Variants in KIAA0825 observed in about 807,000 individuals in gnomAD.
KIAA0825 encodes the protein KIAA0825, also known as uncharacterized protein KIAA0825.
A neutral mutation model predicts 147.6 loss-of-function variants in KIAA0825; 119 were observed. The ratio of observed to expected loss-of-function variants is 0.81; its 90% confidence interval spans 0.69 to 0.94. The LOEUF is 0.94. Among genes scored for constraint, KIAA0825 ranks in the 40% least tolerant of loss-of-function variants. The probability of loss-of-function intolerance (pLI) is 0.00; values close to 1 mark genes in which losing one functional copy is unlikely to be tolerated. For synonymous variants in KIAA0825, 470 were observed against 518.1 expected, an observed-to-expected ratio of 0.91 and a Z score of 1.26; for missense variants, 1,381 against 1,472.7, an observed-to-expected ratio of 0.94 and a Z score of 1.02.
intron 1 of KIAA0825, among the ~76,000 whole-genome samples, chr5:94,589,185 A>C (rs1036918515): frequency 2.6e-5 from 4 of 152,242 alleles, no homozygotes; most frequent in Non-Finnish European, 4.4e-5. Flanking sequence ...ACAACAAAAA[A>C]AACAGATTCC....
intron 20 of KIAA0825, among the ~76,000 whole-genome samples, chr5:94,355,906 G>A (rs1784190436): frequency 6.6e-6 from 1 of 152,192 alleles, no homozygotes; most frequent in African/African-American, 2.4e-5. Flanking sequence ...AATAGTAGGT[G>A]AAAACTAGTA....
intron 1 of KIAA0825, among the ~76,000 whole-genome samples, chr5:94,607,418 T>C (rs753118134): frequency 2.5e-4 from 34 of 136,652 alleles, no homozygotes; most frequent in Admixed American, 6.4e-4. Flanking sequence ...AGGTCAGGAG[T>C]TGAAGACCAG....
chr5:94,478,451 T>TCACACACACACA lies in KIAA0825; in HGVS notation c.1133-1258_1133-1247dup, dbSNP rs6149119. ...TGACTGTATGGCAGGCACATGTGCA[T>TCACACACACACA]CACACACACACACACACACACACAC... On this transcript the variant is annotated intron_variant, in intron 6 of 20. Transcript: ENST00000682413. Among the ~76,000 whole-genome samples the TCACACACACACA allele has an allele frequency of 4.6e-3, 671 of 146,244 alleles. 6 individuals are homozygous for TCACACACACACA. The highest frequency in any genetic ancestry group is 0.016 in the African/African-American group (631 of 39,544).
chr5:94,332,686 C>T (rs540614496), intron 20 of KIAA0825, among the ~76,000 whole-genome samples: 5 of 152,216 alleles, frequency 3.3e-5, no homozygotes, highest in East Asian at 1.9e-4. Flanking sequence ...AAGAAACATA[C>T]GTGTGCATGT....
chr5:94,461,936 G>A (rs1197844118), intron 12 of KIAA0825, among the ~76,000 whole-genome samples: 1 of 151,790 alleles, frequency 6.6e-6, no homozygotes, highest in African/African-American at 2.4e-5. Context: ...CTTATTTGTT[G>A]AGCTAAGTAA....
chr5:94,317,197 A>G (rs773899987), intron 20 of KIAA0825, among the ~76,000 whole-genome samples: 2 of 151,782 alleles, frequency 1.3e-5, no homozygotes, highest in African/African-American at 2.4e-5. Context: ...CACAACCCTC[A>G]ATATATTCCT....
chr5:94,299,237 G>A (rs138639957), intron 20 of KIAA0825, among the ~76,000 whole-genome samples: 12 of 151,866 alleles, frequency 7.9e-5, no homozygotes, highest in Non-Finnish European at 1.3e-4. Context: ...TTTTTTTAGC[G>A]ACAGAATCTT....
chr5:94,478,451 T>TCACACACACACACACACACACA (rs6149119), intron 6 of KIAA0825, among the ~76,000 whole-genome samples: 26 of 146,144 alleles, frequency 1.8e-4, no homozygotes, highest in African/African-American at 6.6e-4. Context: ...CACATGTGCA[T>TCACACACACACACACACACACA]CACACACACA....
At chr5:94,601,789 CT>C in intron 1 of KIAA0825, among the ~76,000 whole-genome samples, 1 of 152,220 alleles carries the variant, frequency 6.6e-6, no homozygotes, top group East Asian at 1.9e-4. Context: ...AGGAAAGAAT[CT>C]CAGAACTTGA....
At position 94,291,501 on chromosome 5, in the gene KIAA0825, G is replaced by A. The variant is rs185061651; in HGVS notation, c.3710+92867C>T. Among the ~76,000 whole-genome samples the A allele has an allele frequency of 4.2e-3, 642 of 152,134 alleles. 18 individuals carry two copies. The highest frequency in any genetic ancestry group is 1.1e-3 in the Non-Finnish European group (74 of 67,976). ...CTGTTTTGGAACCAGTAGCATGGTGGTTTGGTTACTGTAAACTTGTAGTAT... is the reference window on the plus strand; with the variant it reads ...CTGTTTTGGAACCAGTAGCATGGTGATTTGGTTACTGTAAACTTGTAGTAT... On this transcript the variant is annotated intron_variant, in intron 20 of 20. Transcript: ENST00000682413.
intron 20 of KIAA0825, among the ~76,000 whole-genome samples, chr5:94,319,111 A>T (rs1363163752): frequency 1.3e-5 from 2 of 151,948 alleles, no homozygotes; most frequent in South Asian, 4.1e-4. Flanking sequence ...GTCTGAAGCC[A>T]GGGGCTGGCT....
At chr5:94,272,548 T>C (rs1272333001) in intron 20 of KIAA0825, among the ~76,000 whole-genome samples, 1 of 152,154 alleles carries the variant, frequency 6.6e-6, no homozygotes, top group African/African-American at 2.4e-5. Context: ...TTATTATTTC[T>C]TTTGACCACA....
At chr5:94,350,268 C>T (rs62364576) in intron 20 of KIAA0825, among the ~76,000 whole-genome samples, 2,117 of 152,054 alleles carry the variant, frequency 0.014, 21 homozygotes, top group Middle Eastern at 0.02. Flanking sequence ...TAACGAGCAG[C>T]GAGATTGAAA....
intron 13 of KIAA0825, among the ~76,000 whole-genome samples, chr5:94,452,504 A>T (rs953036317): frequency 2.0e-5 from 3 of 152,226 alleles, no homozygotes; most frequent in Admixed American, 6.5e-5. Flanking sequence ...AGCACATTTC[A>T]TACTTTAAAT....
chr5:94,489,889 A>G (rs1222470999), intron 5 of KIAA0825, among the ~76,000 whole-genome samples: 1 of 136,900 alleles, frequency 7.3e-6, no homozygotes. Flanking sequence ...CTCTGTCTCA[A>G]AAAAAAAAAA....
chr5:94,262,623 A>T (rs896754857), intron 20 of KIAA0825, among the ~76,000 whole-genome samples: 5 of 152,206 alleles, frequency 3.3e-5, no homozygotes, highest in African/African-American at 9.6e-5. Flanking sequence ...ATGGATCTTC[A>T]TGTAGTCATA....
intron 1 of KIAA0825, among the ~76,000 whole-genome samples, chr5:94,601,291 T>C (rs1165124712): frequency 2.6e-5 from 4 of 152,066 alleles, no homozygotes; most frequent in Non-Finnish European, 5.9e-5. Flanking sequence ...CTGAGGCAAC[T>C]AGGGACTGGA....
chr5:94,210,687 T>A (rs1335952660), intron 20 of KIAA0825, among the ~76,000 whole-genome samples: 1 of 151,780 alleles, frequency 6.6e-6, no homozygotes, highest in Non-Finnish European at 1.5e-5. Context: ...CAGAAAATTC[T>A]TTTTTTACAA....
intron 6 of KIAA0825, among the ~76,000 whole-genome samples, chr5:94,478,451 T>TCACACACACACACACACACA (rs6149119): frequency 2.7e-4 from 40 of 146,250 alleles, no homozygotes; most frequent in African/African-American, 9.4e-4. Flanking sequence ...CACATGTGCA[T>TCACACACACACACACACACA]CACACACACA....
Sources: allele counts gnomAD v4.1 joint callset (sites outside exome capture counted in the v4.1 genomes callset), GRCh38; gene constraint gnomAD v4.1.1; transcripts MANE v1.5; gene names NCBI Gene and HGNC (gene_info 2026-07-23, HGNC 2026-07-21).